ADAMTSL1: variants seen among roughly 807,000 people sequenced by gnomAD.
ADAMTSL1 encodes the protein ADAMTS like 1, also known as ADAMTS-like protein 1.
Under a neutral mutation model 201.8 loss-of-function variants are expected in ADAMTSL1, and 126 were observed. The observed-to-expected ratio is 0.62, with a 90% CI of 0.54 to 0.72. ADAMTSL1 has a LOEUF of 0.72. ADAMTSL1 is among the 30% of genes least tolerant of loss of function. The pLI is 0.00. For synonymous variants in ADAMTSL1, 1,121 were observed against 903.4 expected, an observed-to-expected ratio of 1.24 and a Z score of -4.32; for missense variants, 2,679 against 2,277.8, an observed-to-expected ratio of 1.18 and a Z score of -3.59.
chr9:17,968,519 GCATTGTTTCATCTGGTAAAGCAGA>G (rs1818070753), intron 1 of ADAMTSL1, among the ~76,000 whole-genome samples: 1 of 152,232 alleles, frequency 6.6e-6, no homozygotes, highest in Non-Finnish European at 1.5e-5. Context: ...TGATGAGTGT[GCATTGTTTCATCTGGTAAAGCAGA>G]CACTGGCTTC....
In ADAMTSL1 at chr9:18,681,903, C is replaced by T. The variant is rs889623418; in HGVS notation, c.1433C>T (p.Thr478Ile). Residue 478 changes from threonine to isoleucine, a missense_variant, in exon 12 of 29, where the codon ACA (threonine) becomes ATA (isoleucine). Physicochemically the swap from Thr to Ile is moderately conservative, Grantham distance 89 (BLOSUM62 -1). Coordinates refer to ENST00000380548, the MANE Select transcript of ADAMTSL1 (RefSeq NM_001040272.6). ...CACACAGGAGGCTGTAGCCCAAAAA[C>T]AAAGCCCCACATAAAAGAGGAATGC... ...GMHTGGCSPK[T>I]KPHIKEECIV... 9 of 1,614,008 alleles carry T rather than the reference C, an allele frequency of 5.6e-6. No individual in the cohort carries two copies. The African/African-American group carries it at 1.1e-4, about 19-fold the overall frequency.
chr9:18,389,867 C>T (rs1005620942), intron 2 of ADAMTSL1, among the ~76,000 whole-genome samples: 3 of 151,894 alleles, frequency 2.0e-5, no homozygotes, highest in South Asian at 2.1e-4. Context: ...AGCTTAAATG[C>T]CACAGAGAAG....
At chr9:18,711,399 C>A (rs549782615) in intron 14 of ADAMTSL1, among the ~76,000 whole-genome samples, 2 of 152,168 alleles carry the variant, frequency 1.3e-5, no homozygotes, top group South Asian at 2.1e-4. Flanking sequence ...ACACCGTGCG[C>A]GAGCCGAAGC....
chr9:18,809,397 C>T (rs565424657), intron 20 of ADAMTSL1, among the ~76,000 whole-genome samples: 2 of 152,244 alleles, frequency 1.3e-5, no homozygotes, highest in African/African-American at 4.8e-5. Flanking sequence ...AAAGGAAGGC[C>T]AGTGTGCTGG....
rs887690589 is a variant in ADAMTSL1, at chr9:18,795,329, C to A, written c.3678-68C>A. ...CACCCTGAGGTTCCTTCCTGCCTTA[C>A]CAATATTGAATGCCAAAAAGGAGTC... On this transcript the variant is annotated intron_variant, in intron 19 of 28. Transcript: ENST00000380548. 147 of 1,597,824 alleles carry A rather than the reference C, an allele frequency of 9.2e-5. 1 individual carries two copies. Among genetic ancestry groups the A allele is most frequent in the Non-Finnish European group, 1.2e-4 (143 of 1,171,860 alleles).
At chr9:18,063,155 A>G (rs1822536327) in intron 1 of ADAMTSL1, among the ~76,000 whole-genome samples, 1 of 152,100 alleles carries the variant, frequency 6.6e-6, no homozygotes, top group Non-Finnish European at 1.5e-5. Context: ...GGAGTTCAAG[A>G]CATAGTAAGA....
rs541239228 is a variant in ADAMTSL1 at position 18,853,123 on chromosome 9, C to T, written c.4249+23146C>T. ...ATAAAATGCAATGACCTCATGGCAT[C>T]TGAGTAGACTTCATGGGGAAATGGG... On this transcript the variant is annotated intron_variant, in intron 23 of 28. Transcript: ENST00000380548. Among the ~76,000 whole-genome samples, 7 of 152,298 alleles carry T rather than the reference C, an allele frequency of 4.6e-5. No homozygotes were observed. The East Asian group carries it at 1.2e-3, about 25-fold the overall frequency.
intron 7 of ADAMTSL1, among the ~76,000 whole-genome samples, chr9:18,647,230 G>T (rs1426307768): frequency 6.6e-6 from 1 of 152,038 alleles, no homozygotes; most frequent in East Asian, 1.9e-4. Flanking sequence ...GATCGGTGGT[G>T]ATATCCCCTT....
intron 5 of ADAMTSL1, among the ~76,000 whole-genome samples, chr9:18,634,753 G>C (rs1402082542): frequency 3.4e-5 from 5 of 148,008 alleles, no homozygotes; most frequent in African/African-American, 1.2e-4. Context: ...CAGAAGAATT[G>C]CTTGAACCCA....
intron 2 of ADAMTSL1, among the ~76,000 whole-genome samples, chr9:18,285,199 CTACATATTTTAT>C (rs1214646497): frequency 6.6e-6 from 1 of 152,134 alleles, no homozygotes; most frequent in Non-Finnish European, 1.5e-5. Context: ...TTCCTTTGTA[CTACATATTTTAT>C]GATATCATAT....
chr9:17,997,857 T>C (rs1297335580), intron 1 of ADAMTSL1, among the ~76,000 whole-genome samples: 2 of 152,078 alleles, frequency 1.3e-5, no homozygotes, highest in Admixed American at 1.3e-4. Context: ...TCTCTTGTCT[T>C]CATGCTCCTG....
At chr9:18,775,924 G>T in intron 18 of ADAMTSL1, 28 bp downstream of exon 18, 2 of 1,572,190 alleles carry the variant, frequency 1.3e-6, no homozygotes, top group Non-Finnish European at 1.7e-6. Flanking sequence ...CTGGGAATGG[G>T]GAGATGAAAC....
chr9:18,620,435 A>G (rs767357491), intron 4 of ADAMTSL1, among the ~76,000 whole-genome samples: 22 of 152,198 alleles, frequency 1.4e-4, no homozygotes, highest in Non-Finnish European at 3.2e-4. Context: ...CTCAATAAAT[A>G]TTACCTAACC....
chr9:18,104,510 C>T (rs1283904762), intron 1 of ADAMTSL1, among the ~76,000 whole-genome samples: 1 of 152,130 alleles, frequency 6.6e-6, no homozygotes, highest in Non-Finnish European at 1.5e-5. Flanking sequence ...GGTGGCCACA[C>T]TTGGGCTACC....
intron 9 of ADAMTSL1, among the ~76,000 whole-genome samples, chr9:18,668,620 T>G (rs1829616852): frequency 6.6e-6 from 1 of 152,078 alleles, no homozygotes; most frequent in African/African-American, 2.4e-5. Flanking sequence ...TAGGCCTGAG[T>G]TTTGCCCTCT....
chr9:18,635,952 C>G lies in ADAMTSL1; in HGVS notation c.611C>G (p.Thr204Ser). 6.2e-7 allele frequency: 1 copy of G among 1,601,138 alleles called. No individual in the cohort carries two copies. Among genetic ancestry groups the G allele is most frequent in the Non-Finnish European group, 8.5e-7 (1 of 1,177,036 alleles). Residue 204 changes from threonine to serine, a missense_variant, in exon 6 of 29, where the codon ACT (threonine) becomes AGT (serine). Transcript: ENST00000380548. The part of the protein sequence containing the change: ...SQLSATKSDD[T>S]VVAIPYGSRH... ...CTTTGTTTCTCTCTAGCGGATGATA[C>G]TGTGGTTGCAATTCCCTATGGAAGT...
At chr9:18,418,773 T>C (rs963832025) in intron 2 of ADAMTSL1, among the ~76,000 whole-genome samples, 8 of 152,164 alleles carry the variant, frequency 5.3e-5, no homozygotes, top group African/African-American at 1.9e-4. Context: ...TCCCCACAAA[T>C]TGGTCTATAG....
At chr9:18,843,927 T>C (rs1458355058) in intron 23 of ADAMTSL1, among the ~76,000 whole-genome samples, 2 of 152,136 alleles carry the variant, frequency 1.3e-5, no homozygotes, top group African/African-American at 2.4e-5. Flanking sequence ...ATTCTAGTTA[T>C]ACATTCGTGT....
At chr9:18,450,682 C>T (rs1468546969) in intron 2 of ADAMTSL1, among the ~76,000 whole-genome samples, 1 of 151,790 alleles carries the variant, frequency 6.6e-6, no homozygotes, top group Non-Finnish European at 1.5e-5. Context: ...GTAAGTTAAT[C>T]CCCTTTACCA....
Sources: allele counts gnomAD v4.1 joint callset (sites outside exome capture counted in the v4.1 genomes callset), GRCh38; gene constraint gnomAD v4.1.1; transcripts MANE v1.5; gene names NCBI Gene and HGNC (gene_info 2026-07-23, HGNC 2026-07-21).